TONSL: variants seen among roughly 807,000 people sequenced by gnomAD.
TONSL encodes the protein tonsoku-like protein.
A neutral mutation model predicts 147.1 loss-of-function variants in TONSL; 112 were observed. The observed-to-expected ratio is 0.76, with a 90% CI of 0.65 to 0.89. TONSL has a LOEUF of 0.89. TONSL is among the 40% of genes least tolerant of loss of function. TONSL has a pLI of 0.00. For missense variants in TONSL, 1,883 were observed against 1,864.6 expected (o/e 1.01, Z -0.18); for synonymous variants, 868 against 801.5 (o/e 1.08, Z -1.40).
intron 25 of TONSL, 52 bp downstream of exon 25, chr8:144,430,352 G>C: frequency 6.7e-7 from 1 of 1,495,158 alleles, no homozygotes; most frequent in African/African-American, 1.4e-5. Context: ...GTCTCAGGCA[G>C]GTCCCTGAAA....
chr8:144,436,219 G>A lies in TONSL; in HGVS notation c.2214C>T (p.Ala738=), dbSNP rs1180485022. The change falls in exon 17 of 26, where the codon GCC becomes GCT. Residue 738 remains alanine (A), a synonymous_variant. Transcript: ENST00000409379. ...ARPRRSRHGP[A]SSSSSSEGED... is the part of the protein sequence containing the mutation. ...CGCCTTCTGAGCTGCTGCTGCTGCT[G>A]GCTGGCCCATGCCTGCTCCTCCGAG... 4.5e-6 allele frequency: 7 copies of A among 1,564,460 alleles called. No individual in the cohort carries two copies. Among genetic ancestry groups the A allele is most frequent in the African/African-American group, 2.7e-5 (2 of 74,458 alleles).
At position 144,431,649 on chromosome 8, in the gene TONSL, A is replaced by C. The variant is rs1430704583; in HGVS notation, c.3736-498T>G. Among the ~76,000 whole-genome samples the C allele has an allele frequency of 2.9e-4, 43 of 148,108 alleles. 2 individuals are homozygous for C. Among genetic ancestry groups the C allele is most frequent in the Admixed American group, 2.8e-3 (41 of 14,890 alleles). ...CCTGCCTGTCTCCCAAGTAGCTGGG[A>C]CTCCAGGAGCCCGTCACCACGCCCG... On this transcript the variant is annotated intron_variant, in intron 23 of 25. Coordinates refer to ENST00000409379, the MANE Select transcript of TONSL (RefSeq NM_013432.5).
Position 144,434,286 on chromosome 8 carries a change from G to A in TONSL, c.3086-7C>T. On this transcript the variant is annotated splice_polypyrimidine_tract_variant and splice_region_variant and intron_variant, in intron 20 of 25. Coordinates refer to ENST00000409379, the MANE Select transcript of TONSL (RefSeq NM_013432.5). ...AGCACCTGTTGGTGCTCCCCTGCGGGAGGGATGTGATGTCACCAGGGTAAG... is the reference window on the plus strand; with the variant it reads ...AGCACCTGTTGGTGCTCCCCTGCGGAAGGGATGTGATGTCACCAGGGTAAG... The A allele has an allele frequency of 6.6e-7, 1 of 1,504,412 alleles. No individual in the cohort carries two copies. Among genetic ancestry groups the A allele is most frequent in the South Asian group, 1.3e-5 (1 of 74,370 alleles). 93.2% of individuals were successfully genotyped at this position (1,504,412 alleles called of 1,614,324 possible).
At chr8:144,429,869 C>T (rs1209862896) in intron 25 of TONSL, among the ~76,000 whole-genome samples, 5 of 152,178 alleles carry the variant, frequency 3.3e-5, no homozygotes, top group Non-Finnish European at 5.9e-5. Flanking sequence ...GCCCTCATCC[C>T]CTGGAGGGCA....
chr8:144,440,300 AC>A, intron 10 of TONSL, 50 bp downstream of exon 10: 1 of 1,562,026 alleles, frequency 6.4e-7, no homozygotes. Flanking sequence ...GCAGGCTGCA[AC>A]GAAGCTGGGC....
In TONSL at chr8:144,436,757, C is replaced by G. The variant is rs1217925324; in HGVS notation, c.1890G>C (p.Lys630Asn). The change falls in exon 15 of 26, where the codon AAG becomes AAC. Residue 630 changes from lysine (K) to asparagine (N), a missense_variant and splice_region_variant. By Grantham distance (94) the Lys-to-Asn change is moderately conservative. Coordinates refer to ENST00000409379, the MANE Select transcript of TONSL (RefSeq NM_013432.5). ...RGASVTLRTR[K>N]GLSPLETLQQ... ...TTGCCCTCTGCCCCACCAGGCTCAC[C>G]TTTCGAGTGCGGAGGGTGACGGACG... is the stretch of plus-strand genomic sequence containing the variant. 1 of 1,610,776 alleles carries G rather than the reference C, an allele frequency of 6.2e-7. No individual in the cohort carries two copies. Among genetic ancestry groups the G allele is most frequent in the Admixed American group, 1.7e-5 (1 of 59,998 alleles).
At chr8:144,443,348 TGAGCC>T (rs1001035461) in intron 3 of TONSL, 27 bp from the exon 4 acceptor site, 1 of 1,537,808 alleles carries the variant, frequency 6.5e-7, no homozygotes, top group Non-Finnish European at 8.8e-7. Flanking sequence ...GTCACTGCTG[TGAGCC>T]GACTCCGCCT....
In TONSL at chr8:144,443,909, C is replaced by T; in HGVS notation, c.237G>A (p.Glu79=). Residue 79 remains glutamate (E), a synonymous_variant, in exon 3 of 26, where the codon GAG becomes GAA. Transcript: ENST00000409379. ...AHRKIGERLA[E]MEDYPAALQH... The stretch of plus-strand genomic sequence containing the variant: ...GCAAGGCAGCCGGGTAGTCCTCCAT[C>T]TCGGCCAGGCGCTCTCCGATCTTGC... The T allele has an allele frequency of 1.9e-6, 3 of 1,545,550 alleles. No individual in the cohort carries two copies. The highest frequency in any genetic ancestry group is 1.2e-5 in the South Asian group (1 of 84,054).
chr8:144,436,688 G>T lies in TONSL; in HGVS notation c.1891-7C>A, dbSNP rs1266868523. 1.2e-6 allele frequency: 2 copies of T among 1,611,736 alleles called. No individual in the cohort carries two copies. Among genetic ancestry groups the T allele is most frequent in the African/African-American group, 2.7e-5 (2 of 74,924 alleles). ...TCTCCAGCGGGCTGAGGCCCTGTGT[G>T]GCATCAGTTGAGCAGGGGCACAGCA... On this transcript the variant is annotated splice_polypyrimidine_tract_variant and splice_region_variant and intron_variant, in intron 15 of 25. Transcript: ENST00000409379.
At chr8:144,441,180 C>G (rs1243327482) in intron 7 of TONSL, 69 bp from the exon 8 acceptor site, 4 of 1,574,236 alleles carry the variant, frequency 2.5e-6, no homozygotes, top group South Asian at 2.3e-5. Context: ...CACCTGCAAG[C>G]TGTGAGCCCT....
chr8:144,435,571 G>A (rs1823411032), intron 17 of TONSL, 21 bp from the exon 18 acceptor site: 1 of 1,557,790 alleles, frequency 6.4e-7, no homozygotes. Flanking sequence ...AAGGCAGCAG[G>A]GCTGAGTCAG....
At chr8:144,444,134 G>GCCCGGGC (rs1188939446) in intron 2 of TONSL, 46 bp downstream of exon 2, 8 of 1,330,236 alleles carry the variant, frequency 6.0e-6, no homozygotes, top group African/African-American at 1.5e-5. Flanking sequence ...CCCGGCCCGG[G>GCCCGGGC]CCCGGGCCCC....
intron 9 of TONSL, 109 bp downstream of exon 9, chr8:144,440,609 A>C (rs564325763): frequency 2.0e-6 from 3 of 1,531,638 alleles, no homozygotes; most frequent in Admixed American, 1.9e-5. Context: ...GGTCCTAGGA[A>C]GGAGCTGCCC....
chr8:144,433,746 A>G lies in TONSL; in HGVS notation c.3401T>C (p.Leu1134Pro), dbSNP rs1443865763. 3 of 1,584,956 alleles carry G rather than the reference A, an allele frequency of 1.9e-6. No homozygotes were observed. The highest frequency in any genetic ancestry group is 1.4e-5 in the African/African-American group (1 of 73,902). The change falls in exon 22 of 26, where the codon CTG (leucine) becomes CCG (proline). Residue 1134 changes from leucine (L) to proline (P), a missense_variant. Transcript: ENST00000409379. ...GQATLQSLEELDLSMNPLGDG... is the reference protein window; with the variant it reads ...GQATLQSLEEPDLSMNPLGDG... ...CCCCAGGGGGTTCATGCTTAAGTCC[A>G]GCTCCTCCAAACTCTGTGGAAGACA...
At chr8:144,443,431 A>T in intron 3 of TONSL, 110 bp from the exon 4 acceptor site, 1 of 1,130,876 alleles carries the variant, frequency 8.8e-7, no homozygotes, top group South Asian at 1.5e-5. Context: ...TGCTCCCCCT[A>T]ACCCCCACAG....
chr8:144,441,091 G>A lies in TONSL; in HGVS notation c.886C>T (p.Gln296Ter), dbSNP rs1303796951. Residue 296 changes from glutamine to a stop codon, truncating the protein, a stop_gained, in exon 8 of 26, where the codon CAG becomes TAG. Coordinates refer to ENST00000409379, the MANE Select transcript of TONSL (RefSeq NM_013432.5). LOFTEE classifies it high-confidence loss of function. ...CCCTCAGCCTCTTCCAGCTGTTGCTGCAGCCGGACCACTGCCAGCACTGCC... is the reference window on the plus strand; with the variant it reads ...CCCTCAGCCTCTTCCAGCTGTTGCTACAGCCGGACCACTGCCAGCACTGCC... ...LQHVLAVVRL[Q>*]QQLEEAEGRD... 1.2e-6 allele frequency: 2 copies of A among 1,612,820 alleles called. No individual in the cohort carries two copies. Among genetic ancestry groups the A allele is most frequent in the Non-Finnish European group, 1.7e-6 (2 of 1,179,976 alleles).
Position 144,442,024 on chromosome 8 carries a change from C to T in TONSL, c.865+13G>A. On this transcript the variant is annotated intron_variant, in intron 7 of 25. Coordinates refer to ENST00000409379, the MANE Select transcript of TONSL (RefSeq NM_013432.5). Reference sequence around the variant, plus strand: ...CACACCTCCCAGGGCCCCATTCGCACCCCCAGGCTCACCATGCTGGAGGTT... The same window carrying T: ...CACACCTCCCAGGGCCCCATTCGCATCCCCAGGCTCACCATGCTGGAGGTT... The T allele has an allele frequency of 1.9e-6, 3 of 1,610,640 alleles. No homozygotes were observed. Among genetic ancestry groups the T allele is most frequent in the Non-Finnish European group, 2.5e-6 (3 of 1,178,448 alleles).
intron 25 of TONSL, among the ~76,000 whole-genome samples, chr8:144,429,890 C>T (rs1236104568): frequency 2.0e-5 from 3 of 152,196 alleles, no homozygotes; most frequent in Non-Finnish European, 4.4e-5. Flanking sequence ...CAGCCTGCCC[C>T]GGCCCCAGTG....
At chr8:144,434,771 TACG>T (rs1823363640) in intron 20 of TONSL, 37 bp downstream of exon 20, 1 of 1,601,944 alleles carries the variant, frequency 6.2e-7, no homozygotes, top group African/African-American at 1.3e-5. Flanking sequence ...AACCCCCTTG[TACG>T]ACCTCACCCA....
Sources: allele counts gnomAD v4.1 joint callset (sites outside exome capture counted in the v4.1 genomes callset), GRCh38; gene constraint gnomAD v4.1.1; transcripts MANE v1.5; gene names NCBI Gene and HGNC (gene_info 2026-07-23, HGNC 2026-07-21).